The following CCDC30 variants were observed in gnomAD, a reference collection of about 807,000 sequenced individuals.
CCDC30 encodes coiled-coil domain-containing protein 30.
In CCDC30, 70 loss-of-function variants were observed where a neutral mutation model predicts 100.2. The observed-to-expected ratio is 0.70, with a 90% CI of 0.58 to 0.85. CCDC30 has a LOEUF of 0.85. Among genes scored for constraint, CCDC30 ranks in the 40% least tolerant of loss-of-function variants. The pLI is 0.00. For missense variants in CCDC30, 652 were observed against 771.2 expected, an observed-to-expected ratio of 0.85 and a Z score of 1.83; for synonymous variants, 233 against 269.5, an observed-to-expected ratio of 0.86 and a Z score of 1.33.
chr1:42,501,210 T>G (rs1644307097), intron 6 of CCDC30, among the ~76,000 whole-genome samples: 1 of 150,696 alleles, frequency 6.6e-6, no homozygotes, highest in Non-Finnish European at 1.5e-5. Context: ...GTATATACTG[T>G]GAGGTAAAAT....
chr1:42,640,147 G>A (rs1227194824), intron 12 of CCDC30, among the ~76,000 whole-genome samples: 1 of 152,142 alleles, frequency 6.6e-6, no homozygotes, highest in East Asian at 1.9e-4. Context: ...CCAAGGACCA[G>A]AGCACTGAGC....
intron 2 of CCDC30, 79 bp from the exon 3 acceptor site, chr1:42,482,584 A>G (rs553073911): frequency 8.8e-6 from 8 of 913,092 alleles, no homozygotes; most frequent in Non-Finnish European, 1.1e-5. Context: ...ATTGGCTTTT[A>G]AACATTAATA....
chr1:42,628,267 T>C (rs917715446), intron 11 of CCDC30, among the ~76,000 whole-genome samples: 2 of 152,188 alleles, frequency 1.3e-5, no homozygotes, highest in African/African-American at 4.8e-5. Flanking sequence ...AATGCTGTAG[T>C]TACCCAATAC....
intron 1 of CCDC30, among the ~76,000 whole-genome samples, chr1:42,479,907 G>C (rs936148789): frequency 6.6e-6 from 1 of 152,142 alleles, no homozygotes; most frequent in African/African-American, 2.4e-5. Flanking sequence ...TGGCAGGGAA[G>C]TGAAACTCAT....
chr1:42,576,868 A>G, intron 7 of CCDC30, 152 bp from the exon 12 acceptor site: 1 of 603,744 alleles, frequency 1.7e-6, no homozygotes, highest in Non-Finnish European at 2.9e-6. Context: ...CACTTTGGAA[A>G]CTCTTACATG....
chr1:42,531,850 A>G (rs1242186044), intron 6 of CCDC30, among the ~76,000 whole-genome samples: 1 of 152,224 alleles, frequency 6.6e-6, no homozygotes, highest in African/African-American at 2.4e-5. Context: ...CAGTGTTGTA[A>G]TGACTCTCCT....
chr1:42,597,779 C>G (rs1458782189), intron 10 of CCDC30, among the ~76,000 whole-genome samples: 1 of 152,090 alleles, frequency 6.6e-6, no homozygotes, highest in African/African-American at 2.4e-5. Context: ...GGAGGAGGAT[C>G]ACTTGAGCCC....
At chr1:42,483,376 A>G (rs1437181886) in intron 3 of CCDC30, among the ~76,000 whole-genome samples, 2 of 152,200 alleles carry the variant, frequency 1.3e-5, no homozygotes, top group Admixed American at 6.5e-5. Flanking sequence ...CAGTGTGCTT[A>G]TTACACATTT....
At chr1:42,608,133 A>G (rs1042893955) in intron 10 of CCDC30, among the ~76,000 whole-genome samples, 1 of 152,166 alleles carries the variant, frequency 6.6e-6, no homozygotes, top group African/African-American at 2.4e-5. Flanking sequence ...TTTAAGGCTC[A>G]TTACCATGTC....
At chr1:42,553,675 A>ACACACG (rs958208381) in intron 6 of CCDC30, among the ~76,000 whole-genome samples, 2 of 151,314 alleles carry the variant, frequency 1.3e-5, no homozygotes, top group African/African-American at 4.9e-5. Context: ...ACACACACAC[A>ACACACG]CACACACACA....
At chr1:42,571,614 AG>A (rs1460703794) in intron 7 of CCDC30, among the ~76,000 whole-genome samples, 1 of 152,214 alleles carries the variant, frequency 6.6e-6, no homozygotes, top group African/African-American at 2.4e-5. Context: ...AATATCAATG[AG>A]ATAAGCGTAT....
chr1:42,636,975 A>G (rs1647172155), intron 11 of CCDC30, among the ~76,000 whole-genome samples: 1 of 146,482 alleles, frequency 6.8e-6, no homozygotes. Flanking sequence ...CAAAAAAAAA[A>G]AAAAAAAAAA....
At chr1:42,648,611 A>C (rs955515873) in intron 15 of CCDC30, among the ~76,000 whole-genome samples, 7 of 152,214 alleles carry the variant, frequency 4.6e-5, no homozygotes, top group Non-Finnish European at 1.0e-4. Flanking sequence ...TGGAGGTTGC[A>C]GTGAGCCGAG....
chr1:42,553,439 G>C (rs552657448), intron 6 of CCDC30, among the ~76,000 whole-genome samples: 1 of 151,276 alleles, frequency 6.6e-6, no homozygotes, highest in African/African-American at 2.4e-5. Flanking sequence ...AAAATAGGGG[G>C]AAAGTGTGTC....
intron 11 of CCDC30, among the ~76,000 whole-genome samples, chr1:42,626,912 A>G (rs1377299007): frequency 6.6e-6 from 1 of 152,188 alleles, no homozygotes; most frequent in Non-Finnish European, 1.5e-5. Context: ...GCAGTGTGAA[A>G]ACGAACTAAT....
chr1:42,611,081 TC>T lies in CCDC30; in HGVS notation c.1270del (p.His424MetfsTer2). 1 of 1,583,288 alleles carries T rather than the reference TC, an allele frequency of 6.3e-7. No individual in the cohort carries two copies. Among genetic ancestry groups the T allele is most frequent in the Non-Finnish European group, 8.7e-7 (1 of 1,152,068 alleles). ...TTGCGATTATTGAAGCTGCTTAATG[TC>T]CATGTGAGGTAAACAAAGACAAGTT... On this transcript the variant is annotated frameshift_variant, in exon 11 of 17. Coordinates refer to ENST00000668663, the Ensembl canonical transcript of CCDC30. LOFTEE classifies it high-confidence loss of function.
chr1:42,547,543 T>C (rs1645168541), intron 6 of CCDC30, among the ~76,000 whole-genome samples: 1 of 152,292 alleles, frequency 6.6e-6, no homozygotes, highest in Middle Eastern at 3.4e-3. Flanking sequence ...CTTTAATTCA[T>C]CTAGGGGTGG....
chr1:42,469,267 A>C (rs1643687823), intron 1 of CCDC30, among the ~76,000 whole-genome samples: 1 of 152,224 alleles, frequency 6.6e-6, no homozygotes, highest in Non-Finnish European at 1.5e-5. Context: ...CTGTAGTCCT[A>C]GCTCCTCATG....
chr1:42,457,250 C>T, the CCDC30 span: 1 of 1,614,180 alleles, frequency 6.2e-7, no homozygotes, highest in Non-Finnish European at 8.5e-7. Flanking sequence ...TTTGCAGGCC[C>T]TTCTGCGATG....
Sources: gnomAD v4.1 joint callset for allele counts (sites outside exome capture counted in the v4.1 genomes callset) on GRCh38, gnomAD v4.1.1 for gene constraint, MANE v1.5 for transcripts, NCBI Gene and HGNC (gene_info 2026-07-23, HGNC 2026-07-21) for gene names.